Variants in RUFY4 observed in about 807,000 individuals in gnomAD.
The protein encoded by RUFY4 is RUN and FYVE domain containing 4.
In RUFY4, 73 loss-of-function variants were observed where a neutral mutation model predicts 69.0. The observed-to-expected ratio is 1.06, with a 90% CI of 0.88 to 1.29. The LOEUF is 1.29. RUFY4 is among the 50% of genes most tolerant of loss of function. RUFY4 has a pLI of 0.00. For synonymous variants in RUFY4, 287 were observed against 271.8 expected, an observed-to-expected ratio of 1.06 and a Z score of -0.55; for missense variants, 770 against 705.6, an observed-to-expected ratio of 1.09 and a Z score of -1.03.
chr2:218,041,229 C>T (rs987445979), intron 2 of RUFY4, among the ~76,000 whole-genome samples: 2 of 152,140 alleles, frequency 1.3e-5, no homozygotes, highest in African/African-American at 4.8e-5. Flanking sequence ...TTCTTCCAAC[C>T]TGGACAGTGA....
At position 218,082,624 on chromosome 2, in the gene RUFY4, G is replaced by T. The variant is rs1043426678; in HGVS notation, c.1356-486G>T. Among the ~76,000 whole-genome samples the T allele has an allele frequency of 3.3e-5, 5 of 152,234 alleles. 1 individual carries two copies. The Middle Eastern group carries it at 0.01, about 311-fold the overall frequency. On this transcript the variant is annotated intron_variant, in intron 8 of 10. Coordinates refer to ENST00000344321, the Ensembl canonical transcript of RUFY4. The stretch of plus-strand genomic sequence containing the variant: ...TGGTGTGTATATTGTATGTGTGTGT[G>T]TAAACGCACATACATTGTGTGCATG...
At chr2:218,038,298 T>C (rs1959009568) in intron 2 of RUFY4, among the ~76,000 whole-genome samples, 1 of 145,422 alleles carries the variant, frequency 6.9e-6, no homozygotes, top group Non-Finnish European at 1.5e-5. Context: ...ACAATATGTC[T>C]TGAAATGGCC....
At chr2:218,045,416 A>C (rs959182506) in intron 2 of RUFY4, among the ~76,000 whole-genome samples, 9 of 152,348 alleles carry the variant, frequency 5.9e-5, no homozygotes, top group Middle Eastern at 6.8e-3. Context: ...AGGTAGGAAG[A>C]AAAAGATAAA....
At chr2:218,038,183 C>T (rs1482531463) in intron 2 of RUFY4, among the ~76,000 whole-genome samples, 1 of 151,998 alleles carries the variant, frequency 6.6e-6, no homozygotes, top group Non-Finnish European at 1.5e-5. Context: ...TATCAGAGTC[C>T]TTTCCATGAA....
intron 2 of RUFY4, among the ~76,000 whole-genome samples, chr2:218,071,792 C>T (rs1689493718): frequency 6.6e-6 from 1 of 152,170 alleles, no homozygotes; most frequent in South Asian, 2.1e-4. Context: ...CGGGACCCAT[C>T]GGGAGGAGAA....
upstream of RUFY4, among the ~76,000 whole-genome samples, chr2:218,064,822 GCCTGCCCTC>G (rs762701521): frequency 9.2e-5 from 14 of 151,872 alleles, no homozygotes; most frequent in Non-Finnish European, 1.6e-4. Flanking sequence ...CCGCCTGCCT[GCCTGCCCTC>G]CCCCTCCAGT....
intron 2 of RUFY4, among the ~76,000 whole-genome samples, chr2:218,035,726 G>A (rs759295979): frequency 3.3e-5 from 5 of 152,206 alleles, no homozygotes; most frequent in Non-Finnish European, 5.9e-5. Flanking sequence ...GGGAGGAGAA[G>A]AGGATGAGAT....
intron 3 of RUFY4, 121 bp downstream of exon 5, chr2:218,072,620 C>T (rs1252924032): frequency 7.1e-7 from 1 of 1,411,800 alleles, no homozygotes; most frequent in East Asian, 2.5e-5. Context: ...TCTCCTAAGC[C>T]CTGCCCACAG....
At chr2:218,046,283 A>T (rs890152375) in intron 2 of RUFY4, among the ~76,000 whole-genome samples, 1 of 151,914 alleles carries the variant, frequency 6.6e-6, no homozygotes, top group African/African-American at 2.4e-5. Flanking sequence ...GAGACACTAG[A>T]ATTTATTCCT....
intron 7 of RUFY4, 72 bp downstream of exon 9, chr2:218,075,812 T>C (rs1457906243): frequency 2.2e-6 from 3 of 1,336,262 alleles, no homozygotes; most frequent in African/African-American, 3.0e-5. Flanking sequence ...GGGTCTGCAA[T>C]GGTAGCCTGG....
rs1277538566 is a variant in RUFY4, at chr2:218,083,318, C to T, written c.1502+62C>T. 34 of 1,513,710 alleles carry T rather than the reference C, an allele frequency of 2.2e-5. No homozygotes were observed. The East Asian group carries it at 3.3e-4, about 15-fold the overall frequency. The allele number at this position is 1,513,710 out of a possible 1,614,324, so 93.8% of individuals were successfully genotyped here. On this transcript the variant is annotated intron_variant, in intron 9 of 10. Transcript: ENST00000344321. ...GGGGAACGGTAAGGGATGTGGAGCC[C>T]GGAGCGTGAAAATTCTACTCCACTC...
intron 2 of RUFY4, among the ~76,000 whole-genome samples, chr2:218,039,259 G>T (rs1316325668): frequency 6.6e-6 from 1 of 152,178 alleles, no homozygotes; most frequent in Non-Finnish European, 1.5e-5. Flanking sequence ...GGTAGGGCAA[G>T]ATTTACACTA....
At chr2:218,086,838 C>G (rs1344218123) in intron 9 of RUFY4, among the ~76,000 whole-genome samples, 2 of 152,142 alleles carry the variant, frequency 1.3e-5, no homozygotes, top group African/African-American at 4.8e-5. Context: ...GCAGAAGGAC[C>G]AAGGACCCAG....
chr2:218,056,590 A>G (rs894592798), intron 2 of RUFY4, among the ~76,000 whole-genome samples: 11 of 152,238 alleles, frequency 7.2e-5, no homozygotes, highest in African/African-American at 2.7e-4. Flanking sequence ...ATCTTGATCA[A>G]CAGGTGGAAA....
At chr2:218,089,617 T>C in intron 10 of RUFY4, 1 of 690,204 alleles carries the variant, frequency 1.4e-6, no homozygotes, top group South Asian at 1.5e-5. Context: ...GATTGAGAAA[T>C]GGGCCTCTCA....
rs543941541 is a variant in RUFY4 at position 218,056,630 on chromosome 2, A to G, written c.-1157-1965A>G. The stretch of plus-strand genomic sequence containing the variant: ...AAAATTGATTACATAAATTACAGTT[A>G]TCTTGTCACATACAACTAAATTAGA... On this transcript the variant is annotated intron_variant and NMD_transcript_variant, in intron 2 of 13. Transcript: ENST00000457754. Among the ~76,000 whole-genome samples the G allele has an allele frequency of 3.2e-4, 48 of 152,320 alleles. 1 individual carries two copies. The highest frequency in any genetic ancestry group is 6.8e-3 in the Middle Eastern group (2 of 294).
At chr2:218,048,301 A>G (rs1688874735) in intron 2 of RUFY4, among the ~76,000 whole-genome samples, 1 of 152,052 alleles carries the variant, frequency 6.6e-6, no homozygotes, top group Non-Finnish European at 1.5e-5. Context: ...TTTCTTGTAA[A>G]TTTGTTTAAG....
chr2:218,088,924 C>T (rs957860697), intron 9 of RUFY4, among the ~76,000 whole-genome samples: 2 of 149,314 alleles, frequency 1.3e-5, no homozygotes, highest in Admixed American at 6.6e-5. Flanking sequence ...TGTCTCTCTC[C>T]AATCCTCTCT....
chr2:218,081,627 C>T (rs1325904729), intron 8 of RUFY4, among the ~76,000 whole-genome samples: 2 of 152,188 alleles, frequency 1.3e-5, no homozygotes, highest in Admixed American at 6.5e-5. Flanking sequence ...GTACACACCA[C>T]GGTGATCACA....
Sources: gnomAD v4.1 joint callset for allele counts (sites outside exome capture counted in the v4.1 genomes callset) on GRCh38, gnomAD v4.1.1 for gene constraint, MANE v1.5 for transcripts, NCBI Gene and HGNC (gene_info 2026-07-23, HGNC 2026-07-21) for gene names.